Variants in PLCB4 observed in about 807,000 individuals in gnomAD.
The protein encoded by PLCB4 is phospholipase C beta 4.
In PLCB4, 77 loss-of-function variants were observed where a neutral mutation model predicts 178.8. The observed-to-expected ratio is 0.43, with a 90% CI of 0.36 to 0.52. The LOEUF (loss-of-function observed/expected upper bound fraction) is 0.52. Ranked by LOEUF, PLCB4 falls within the 20% of genes least tolerant of loss-of-function variation. The pLI is 0.00. For synonymous variants in PLCB4, 496 were observed against 490.8 expected, an observed-to-expected ratio of 1.01 and a Z score of -0.14; for missense variants, 1,024 against 1,453.4, an observed-to-expected ratio of 0.70 and a Z score of 4.80.
chr20:9,198,655 T>C (rs186855026), intron 2 of PLCB4, among the ~76,000 whole-genome samples: 4 of 152,346 alleles, frequency 2.6e-5, no homozygotes, highest in East Asian at 3.9e-4. Flanking sequence ...AATAGAGTTA[T>C]GGTTTTTATC....
At chr20:9,388,363 A>C (rs189892787) in intron 15 of PLCB4, among the ~76,000 whole-genome samples, 2 of 152,194 alleles carry the variant, frequency 1.3e-5, no homozygotes, top group Admixed American at 1.3e-4. Flanking sequence ...AGATATTACA[A>C]CACCAGGAGC....
intron 2 of PLCB4, among the ~76,000 whole-genome samples, chr20:9,130,482 G>A (rs1303709001): frequency 6.6e-6 from 1 of 152,172 alleles, no homozygotes. Flanking sequence ...TATAGTAAAT[G>A]AATAACTTTC....
intron 15 of PLCB4, 103 bp from the exon 16 acceptor site, chr20:9,389,776 G>C (rs1057231768): frequency 3.1e-6 from 2 of 644,110 alleles, no homozygotes; most frequent in Admixed American, 5.1e-5. Context: ...TGAATTGCTG[G>C]AATTGACTTT....
intron 12 of PLCB4, among the ~76,000 whole-genome samples, chr20:9,378,538 G>T (rs2036868605): frequency 6.6e-6 from 1 of 152,114 alleles, no homozygotes; most frequent in Non-Finnish European, 1.5e-5. Flanking sequence ...CCTAAACAAG[G>T]TGTAGCATGC....
At chr20:9,192,271 G>A (rs1490811285) in intron 2 of PLCB4, among the ~76,000 whole-genome samples, 2 of 152,146 alleles carry the variant, frequency 1.3e-5, no homozygotes, top group Non-Finnish European at 1.5e-5. Context: ...AGGTATCTCT[G>A]CTGTTACACC....
intron 2 of PLCB4, among the ~76,000 whole-genome samples, chr20:9,131,758 C>G (rs1247552991): frequency 1.3e-5 from 2 of 152,124 alleles, no homozygotes; most frequent in Non-Finnish European, 2.9e-5. Flanking sequence ...CTATTATATT[C>G]CTCATTGACT....
At chr20:9,222,115 G>C (rs1418663084) in intron 3 of PLCB4, among the ~76,000 whole-genome samples, 1 of 130,898 alleles carries the variant, frequency 7.6e-6, no homozygotes, top group Admixed American at 8.1e-5. Flanking sequence ...TATTTTGACA[G>C]GGTCTGGTTC....
intron 12 of PLCB4, among the ~76,000 whole-genome samples, chr20:9,377,772 G>A (rs1256251572): frequency 6.6e-6 from 1 of 152,160 alleles, no homozygotes; most frequent in East Asian, 1.9e-4. Flanking sequence ...GTTTAATTGG[G>A]AGGACATCTG....
At chr20:9,074,988 A>G (rs1384365437) in intron 1 of PLCB4, among the ~76,000 whole-genome samples, 1 of 152,156 alleles carries the variant, frequency 6.6e-6, no homozygotes, top group Non-Finnish European at 1.5e-5. Context: ...TCTGCTTTAC[A>G]TAGTATTATA....
intron 28 of PLCB4, among the ~76,000 whole-genome samples, chr20:9,432,749 G>A (rs538785529): frequency 1.2e-4 from 19 of 152,304 alleles, no homozygotes; most frequent in African/African-American, 4.6e-4. Context: ...CGATGAGAAA[G>A]CCATGTGGTT....
intron 2 of PLCB4, among the ~76,000 whole-genome samples, chr20:9,160,459 T>A (rs981438833): frequency 1.3e-5 from 2 of 152,172 alleles, no homozygotes; most frequent in Middle Eastern, 3.2e-3. Context: ...CAGAGTTAAA[T>A]TGGGCAGCTG....
chr20:9,366,389 T>TG (rs2035783460), intron 9 of PLCB4, among the ~76,000 whole-genome samples: 1 of 105,454 alleles, frequency 9.5e-6, no homozygotes, highest in Non-Finnish European at 1.7e-5. Flanking sequence ...AGAGTGAGAC[T>TG]CCATCTCAAA....
intron 4 of PLCB4, among the ~76,000 whole-genome samples, chr20:9,315,560 G>A (rs2094889474): frequency 6.6e-6 from 1 of 152,144 alleles, no homozygotes; most frequent in Admixed American, 6.5e-5. Context: ...AGTAGGGGAG[G>A]GGACATTGCT....
At chr20:9,194,455 G>A (rs1056672773) in intron 2 of PLCB4, among the ~76,000 whole-genome samples, 4 of 151,982 alleles carry the variant, frequency 2.6e-5, no homozygotes, top group Non-Finnish European at 5.9e-5. Context: ...GGGAGGACAA[G>A]GTGGGTGGAT....
intron 4 of PLCB4, among the ~76,000 whole-genome samples, chr20:9,323,115 A>T (rs977868812): frequency 2.6e-5 from 4 of 152,140 alleles, no homozygotes; most frequent in Non-Finnish European, 4.4e-5. Context: ...AGTCCCCTAC[A>T]TGACCTACCA....
At chr20:9,406,641 C>T (rs1306319671) in intron 21 of PLCB4, among the ~76,000 whole-genome samples, 2 of 151,974 alleles carry the variant, frequency 1.3e-5, no homozygotes, top group African/African-American at 4.8e-5. Flanking sequence ...ACTACAGGTG[C>T]CTGCCACCAT....
At chr20:9,381,368 A>G (rs1174309235) in intron 13 of PLCB4, among the ~76,000 whole-genome samples, 1 of 152,032 alleles carries the variant, frequency 6.6e-6, no homozygotes, top group Non-Finnish European at 1.5e-5. Flanking sequence ...TTTGGCTAGT[A>G]TTTCCCTTCC....
At chr20:9,218,965 T>A (rs9974017) in intron 3 of PLCB4, among the ~76,000 whole-genome samples, 12,313 of 152,130 alleles carry the variant, frequency 0.081, 1,145 homozygotes, top group African/African-American at 0.22. Context: ...CTTTCTCTGT[T>A]TAAGAGTTGT....
chr20:9,240,173 A>T (rs1569001753), intron 3 of PLCB4, among the ~76,000 whole-genome samples: 1 of 152,148 alleles, frequency 6.6e-6, no homozygotes, highest in Non-Finnish European at 1.5e-5. Context: ...AACTGGGGTG[A>T]ACTCAGCAAG....
Sources: gnomAD v4.1 joint callset for allele counts (sites outside exome capture counted in the v4.1 genomes callset) on GRCh38, gnomAD v4.1.1 for gene constraint, MANE v1.5 for transcripts, NCBI Gene and HGNC (gene_info 2026-07-23, HGNC 2026-07-21) for gene names.